SHB: variants seen among roughly 807,000 people sequenced by gnomAD.
The protein encoded by SHB is SH2 domain containing adaptor protein B.
A neutral mutation model predicts 52.3 loss-of-function variants in SHB; 20 were observed. The ratio of observed to expected loss-of-function variants is 0.38; its 90% CI spans 0.27 to 0.56. SHB has a LOEUF of 0.56. Among genes scored for constraint, SHB ranks in the 20% least tolerant of loss-of-function variants. The pLI, the probability that SHB is intolerant of heterozygous loss-of-function variation, is 0.71. For synonymous variants in SHB, 397 were observed against 316.5 expected (o/e 1.25, Z -2.70); for missense variants, 825 against 723.3 (o/e 1.14, Z -1.61).
At chr9:37,971,540 C>G (rs1820590171) in intron 3 of SHB, among the ~76,000 whole-genome samples, 1 of 152,226 alleles carries the variant, frequency 6.6e-6, no homozygotes, top group African/African-American at 2.4e-5. Context: ...TGGCCTCCTC[C>G]TTCTATGCCC....
intron 1 of SHB, among the ~76,000 whole-genome samples, chr9:38,028,252 C>G (rs1378838185): frequency 6.6e-6 from 1 of 152,150 alleles, no homozygotes; most frequent in East Asian, 1.9e-4. Flanking sequence ...GATCCTGCAA[C>G]ATCAATCAGC....
At chr9:37,966,810 G>A (rs1820529516) in intron 3 of SHB, among the ~76,000 whole-genome samples, 1 of 152,294 alleles carries the variant, frequency 6.6e-6, no homozygotes. Flanking sequence ...TTCTGAGCAC[G>A]TGAAGATGAG....
chr9:37,975,720 GC>G (rs1474084334), intron 2 of SHB, among the ~76,000 whole-genome samples: 4 of 152,234 alleles, frequency 2.6e-5, no homozygotes, highest in African/African-American at 9.6e-5. Context: ...CATGGCCCAA[GC>G]GGGGAATGTG....
chr9:37,925,367 G>C (rs1239869997), intron 5 of SHB, among the ~76,000 whole-genome samples: 1 of 152,240 alleles, frequency 6.6e-6, no homozygotes, highest in East Asian at 1.9e-4. Context: ...TGGCAGAGTG[G>C]GAAGGACTGG....
intron 5 of SHB, among the ~76,000 whole-genome samples, chr9:37,927,515 C>A (rs1196793765): frequency 6.6e-6 from 1 of 152,180 alleles, no homozygotes; most frequent in African/African-American, 2.4e-5. Flanking sequence ...TAAATCATGA[C>A]AAAAAGCCAT....
chr9:38,023,114 A>C (rs1821301259), intron 1 of SHB, among the ~76,000 whole-genome samples: 1 of 152,232 alleles, frequency 6.6e-6, no homozygotes, highest in Non-Finnish European at 1.5e-5. Flanking sequence ...CAAAGTCCCA[A>C]GGCTGACCGG....
intron 5 of SHB, among the ~76,000 whole-genome samples, chr9:37,930,824 A>G (rs1587196008): frequency 6.6e-6 from 1 of 152,248 alleles, no homozygotes; most frequent in African/African-American, 2.4e-5. Context: ...GCTGAAGAAG[A>G]AAAGAAAGTT....
At chr9:38,013,013 C>T (rs1312270793) in intron 2 of SHB, among the ~76,000 whole-genome samples, 2 of 151,910 alleles carry the variant, frequency 1.3e-5, no homozygotes, top group Non-Finnish European at 2.9e-5. Flanking sequence ...TACCCATATG[C>T]AGCCCTGCCA....
At chr9:37,950,217 G>GT (rs1364397568) in intron 4 of SHB, among the ~76,000 whole-genome samples, 2 of 151,864 alleles carry the variant, frequency 1.3e-5, no homozygotes, top group African/African-American at 4.8e-5. Flanking sequence ...GATTACAGGC[G>GT]TGAGCCATTG....
At chr9:38,067,561 TGGAGGCTG>T (rs1821986674) in intron 1 of SHB, among the ~76,000 whole-genome samples, 1 of 151,806 alleles carries the variant, frequency 6.6e-6, no homozygotes, top group Non-Finnish European at 1.5e-5. Context: ...GAGCGGAGGG[TGGAGGCTG>T]GGATAAGGGG....
At chr9:37,950,400 G>A (rs1160492340) in intron 4 of SHB, among the ~76,000 whole-genome samples, 5 of 152,142 alleles carry the variant, frequency 3.3e-5, no homozygotes, top group African/African-American at 1.2e-4. Context: ...CAAGTAGTGG[G>A]CCTATAGGCA....
At position 38,068,270 on chromosome 9, in the gene SHB, G is replaced by C; in HGVS notation, c.376C>G (p.Arg126Gly). Residue 126 changes from arginine (R) to glycine (G), a missense_variant, in exon 1 of 6, where the codon CGC (arginine) becomes GGC (glycine). Arg to Gly is a moderately radical substitution (Grantham distance 125, BLOSUM62 -2). Coordinates refer to ENST00000377707, the MANE Select transcript of SHB (RefSeq NM_003028.3). ...GGSGEPGGVQ[R>G]AFSASSASGA... ...GACGCGGACGAGGCCGAGAAGGCGC[G>C]CTGGACCCCGCCTGGCTCCCCGCTG... The C allele has an allele frequency of 6.8e-7, 1 of 1,462,872 alleles. No homozygotes were observed. The highest frequency in any genetic ancestry group is 9.0e-7 in the Non-Finnish European group (1 of 1,115,056). 90.6% of individuals were successfully genotyped at this position (1,462,872 alleles called of 1,614,324 possible).
intron 2 of SHB, among the ~76,000 whole-genome samples, chr9:38,009,375 G>A (rs917911990): frequency 3.9e-5 from 6 of 152,238 alleles, no homozygotes; most frequent in Non-Finnish European, 8.8e-5. Context: ...CAGTGTGACC[G>A]CAGAGGCGGG....
At chr9:38,050,569 G>A (rs565387113) in intron 1 of SHB, among the ~76,000 whole-genome samples, 1 of 152,206 alleles carries the variant, frequency 6.6e-6, no homozygotes, top group East Asian at 1.9e-4. Context: ...TTTTGTTTCA[G>A]TACCCTTCAC....
At chr9:37,989,769 G>GTGT (rs955487591) in intron 2 of SHB, among the ~76,000 whole-genome samples, 3 of 152,160 alleles carry the variant, frequency 2.0e-5, no homozygotes, top group East Asian at 1.9e-4. Flanking sequence ...CCCTATTAAA[G>GTGT]TGTTGTTGTT....
At chr9:37,986,027 C>T (rs1052691198) in intron 2 of SHB, among the ~76,000 whole-genome samples, 6 of 152,204 alleles carry the variant, frequency 3.9e-5, no homozygotes, top group Non-Finnish European at 5.9e-5. Flanking sequence ...TGGCTCCCAG[C>T]GTCCTAGAGT....
chr9:37,971,706 G>T (rs544957174), intron 3 of SHB, among the ~76,000 whole-genome samples: 4 of 152,178 alleles, frequency 2.6e-5, no homozygotes, highest in Non-Finnish European at 5.9e-5. Flanking sequence ...CAGACTGACC[G>T]TGACACCTGT....
At chr9:37,968,156 C>CACCAAAACCAATTCTGAAA in intron 3 of SHB, among the ~76,000 whole-genome samples, 1 of 152,344 alleles carries the variant, frequency 6.6e-6, no homozygotes, top group South Asian at 2.1e-4. Context: ...CCCCTCTGAA[C>CACCAAAACCAATTCTGAAA]ACCAAAACCA....
chr9:38,012,881 T>C (rs139545628), intron 2 of SHB, among the ~76,000 whole-genome samples: 93 of 151,314 alleles, frequency 6.1e-4, no homozygotes, highest in African/African-American at 1.8e-3. Flanking sequence ...ACTTTTTCCA[T>C]GTCACTCCCA....
Sources: allele counts gnomAD v4.1 joint callset (sites outside exome capture counted in the v4.1 genomes callset), GRCh38; gene constraint gnomAD v4.1.1; transcripts MANE v1.5; gene names NCBI Gene and HGNC (gene_info 2026-07-23, HGNC 2026-07-21).